The following PWWP2A variants were observed in gnomAD, a reference collection of about 807,000 sequenced individuals.
The protein encoded by PWWP2A is PWWP domain-containing protein 2A.
A neutral mutation model predicts 48.5 loss-of-function variants in PWWP2A; 18 were observed. That is an observed-to-expected ratio of 0.37 (90% CI 0.26 to 0.55). The LOEUF (loss-of-function observed/expected upper bound fraction) is 0.55, where lower values mean the gene tolerates loss of function less well. Ranked by LOEUF, PWWP2A falls within the 20% of genes least tolerant of loss-of-function variation. The probability of loss-of-function intolerance (pLI) is 0.81; values close to 1 mark genes in which losing one functional copy is unlikely to be tolerated. For missense variants in PWWP2A, 867 were observed against 976.4 expected, an observed-to-expected ratio of 0.89 and a Z score of 1.49; for synonymous variants, 396 against 387.7, an observed-to-expected ratio of 1.02 and a Z score of -0.25.
chr5:160,083,761 C>T (rs1403465013), intron 2 of PWWP2A, among the ~76,000 whole-genome samples: 2 of 152,148 alleles, frequency 1.3e-5, no homozygotes, highest in African/African-American at 2.4e-5. Context: ...CACAAGAAGA[C>T]AATCATTTCC....
At chr5:160,084,668 T>C in intron 2 of PWWP2A, among the ~76,000 whole-genome samples, 1 of 152,148 alleles carries the variant, frequency 6.6e-6, no homozygotes, top group Admixed American at 6.6e-5. Context: ...TGGACTCAAA[T>C]GATGCTCCTG....
intron 3 of PWWP2A, among the ~76,000 whole-genome samples, chr5:160,079,084 GGAAA>G (rs1388757879): frequency 1.3e-5 from 2 of 151,998 alleles, no homozygotes; most frequent in Admixed American, 6.6e-5. Context: ...GATGATCCGT[GGAAA>G]GAAAGATGAA....
At chr5:160,118,658 T>C in intron 1 of PWWP2A, 147 bp downstream of exon 1, 1 of 782,896 alleles carries the variant, frequency 1.3e-6, no homozygotes, top group South Asian at 4.1e-5. Flanking sequence ...CCTGCCCCAC[T>C]CGGAGCGCGC....
At chr5:160,050,973 T>TC in the PWWP2A span, among the ~76,000 whole-genome samples, 5 of 94,540 alleles carry the variant, frequency 5.3e-5, no homozygotes, top group South Asian at 3.4e-4. Flanking sequence ...CATAAATACT[T>TC]GGGGTTTTTT....
At chr5:160,096,281 A>AC (rs201883834) in intron 1 of PWWP2A, among the ~76,000 whole-genome samples, 1,942 of 152,278 alleles carry the variant, frequency 0.013, 47 homozygotes, top group African/African-American at 0.044. Context: ...AAGGAAAGGT[A>AC]CCTCCTATTG....
chr5:160,090,630 A>C (rs1200008718), downstream of PWWP2A: 9 of 983,934 alleles, frequency 9.1e-6, no homozygotes, highest in East Asian at 7.9e-4. Flanking sequence ...AAAAATTCGC[A>C]ATCAGTCAAT....
chr5:160,056,947 A>G (rs1336694050), downstream of PWWP2A, among the ~76,000 whole-genome samples: 1 of 152,144 alleles, frequency 6.6e-6, no homozygotes, highest in African/African-American at 2.4e-5. Flanking sequence ...AAAGCTGCTG[A>G]AGCCATACAT....
At chr5:160,045,960 C>T in the PWWP2A span, among the ~76,000 whole-genome samples, 1 of 152,132 alleles carries the variant, frequency 6.6e-6, no homozygotes, top group Admixed American at 6.5e-5. Flanking sequence ...CCAGGCTGCT[C>T]TCGAACTCCT....
chr5:160,109,771 AAAAATATAT>A (rs1436725409), intron 1 of PWWP2A, among the ~76,000 whole-genome samples: 706 of 44,860 alleles, frequency 0.016, 3 homozygotes, highest in East Asian at 0.1. Flanking sequence ...AAAAAAAAAA[AAAAATATAT>A]ATATATATAT....
downstream of PWWP2A, chr5:160,091,295 A>T: frequency 1.0e-6 from 1 of 978,066 alleles, no homozygotes; most frequent in Non-Finnish European, 1.2e-6. Flanking sequence ...ATTTTCTACC[A>T]TCTTGAAATT....
chr5:160,055,477 T>A, the PWWP2A span, among the ~76,000 whole-genome samples: 1 of 152,226 alleles, frequency 6.6e-6, no homozygotes, highest in Non-Finnish European at 1.5e-5. Flanking sequence ...AAGATTCTAA[T>A]CACCAGTTGC....
At chr5:160,107,937 G>T (rs1322334793) in intron 1 of PWWP2A, among the ~76,000 whole-genome samples, 1 of 152,004 alleles carries the variant, frequency 6.6e-6, no homozygotes, top group Non-Finnish European at 1.5e-5. Context: ...AAAGGCGGAG[G>T]TTCCAGTGAG....
chr5:160,115,833 T>C (rs1758075264), intron 1 of PWWP2A, among the ~76,000 whole-genome samples: 1 of 151,954 alleles, frequency 6.6e-6, no homozygotes, highest in African/African-American at 2.4e-5. Flanking sequence ...AGCGAGACCC[T>C]GCCTCCTAAA....
At chr5:160,066,265 G>GCAGC (rs1753603850) in intron 4 of PWWP2A, among the ~76,000 whole-genome samples, 1 of 142,132 alleles carries the variant, frequency 7.0e-6, no homozygotes, top group Non-Finnish European at 1.5e-5. Context: ...TGCTTCCTGT[G>GCAGC]CAGCCAGCAT....
At chr5:160,097,923 A>G (rs1755860231) in intron 1 of PWWP2A, among the ~76,000 whole-genome samples, 1 of 152,056 alleles carries the variant, frequency 6.6e-6, no homozygotes, top group Non-Finnish European at 1.5e-5. Flanking sequence ...TATGTTGGCC[A>G]AGCTGGTTTT....
At chr5:160,048,013 A>G in the PWWP2A span, among the ~76,000 whole-genome samples, 2 of 152,238 alleles carry the variant, frequency 1.3e-5, no homozygotes, top group South Asian at 4.1e-4. Context: ...GCCCAGAGAC[A>G]TACTACATTG....
chr5:160,119,441 A>C lies in PWWP2A; in HGVS notation c.-53T>G. 1 of 1,351,442 alleles carries C rather than the reference A, an allele frequency of 7.4e-7. No individual in the cohort carries two copies. The highest frequency in any genetic ancestry group is 9.5e-7 in the Non-Finnish European group (1 of 1,057,892). The allele number at this position is 1,351,442 out of a possible 1,614,324, so 83.7% of individuals were successfully genotyped here. ...CTCCGGCTGCAGCGGCGGCGGCGAC[A>C]GCGCTGCTTGGTTCCCTGGGCCTTC... On this transcript the variant is annotated 5_prime_UTR_variant, in exon 1 of 2. Coordinates refer to ENST00000307063, the MANE Select transcript of PWWP2A (RefSeq NM_001130864.2).
chr5:160,092,587 C>A lies in PWWP2A; in HGVS notation c.2063G>T (p.Arg688Leu). The A allele has an allele frequency of 6.4e-7, 1 of 1,551,614 alleles. No individual in the cohort carries two copies. Among genetic ancestry groups the A allele is most frequent in the Non-Finnish European group, 8.7e-7 (1 of 1,146,976 alleles). The change falls in exon 2 of 2, where the codon CGA (arginine) becomes CTA (leucine). Residue 688 changes from arginine (R) to leucine (L), a missense_variant. Transcript: ENST00000307063. ...VSRKDNGLLVRQEARISWFGS... is the reference protein window; with the variant it reads ...VSRKDNGLLVLQEARISWFGS... ...AAACCATGAAATACGGGCCTCCTGTCGGACTAAAAGGCCGTTATCTTTCCG... is the reference window on the plus strand; with the variant it reads ...AAACCATGAAATACGGGCCTCCTGTAGGACTAAAAGGCCGTTATCTTTCCG...
intron 1 of PWWP2A, among the ~76,000 whole-genome samples, chr5:160,111,092 G>A (rs1561701432): frequency 2.0e-5 from 3 of 152,054 alleles, no homozygotes; most frequent in Admixed American, 1.3e-4. Context: ...GGGCAAGGAG[G>A]GAGGATTACT....
Sources: gnomAD v4.1 joint callset for allele counts (sites outside exome capture counted in the v4.1 genomes callset) on GRCh38, gnomAD v4.1.1 for gene constraint, MANE v1.5 for transcripts, NCBI Gene and HGNC (gene_info 2026-07-23, HGNC 2026-07-21) for gene names.